The following ANXA8 variants were observed in gnomAD, a reference collection of about 807,000 sequenced individuals.
ANXA8 encodes annexin A8, also known as VAC-beta.
In ANXA8, 9 loss-of-function variants were observed where a neutral mutation model predicts 26.8. That is an observed-to-expected ratio of 0.34 (90% CI 0.20 to 0.59). ANXA8 has a LOEUF of 0.59. Ranked by LOEUF, ANXA8 falls within the 20% of genes least tolerant of loss-of-function variation. The pLI is 0.84. For synonymous variants in ANXA8, 39 were observed against 94.8 expected (o/e 0.41, Z 3.42); for missense variants, 83 against 238.5 (o/e 0.35, Z 4.29).
At chr10:47,488,713 A>ATTTTTTTTTTTTTTT (rs1160121365), upstream of ANXA8, among the ~76,000 whole-genome samples, 13 of 62,108 alleles carry the variant, frequency 2.1e-4, no homozygotes, top group South Asian at 7.2e-4. Context: ...TACATGTTAA[A>ATTTTTTTTTTTTTTT]TTTTTTTTTT....
At chr10:47,553,793 C>G in the ANXA8 span, among the ~76,000 whole-genome samples, 2 of 149,410 alleles carry the variant, frequency 1.3e-5, no homozygotes, top group South Asian at 4.3e-4. Context: ...TTGCTGAAGG[C>G]CAGGGCAGCT....
At chr10:47,982,022 C>T in the ANXA8 span, among the ~76,000 whole-genome samples, 2 of 150,316 alleles carry the variant, frequency 1.3e-5, no homozygotes, top group Non-Finnish European at 3.0e-5. Context: ...GGTGCAGTGG[C>T]TCACACCTGT....
At chr10:47,595,807 A>G in the ANXA8 span, among the ~76,000 whole-genome samples, 1 of 148,518 alleles carries the variant, frequency 6.7e-6, no homozygotes, top group Non-Finnish European at 1.5e-5. Flanking sequence ...CCCCTCAGTA[A>G]TAACTGGGAA....
the ANXA8 span, among the ~76,000 whole-genome samples, chr10:47,945,078 C>T: frequency 6.6e-6 from 1 of 150,502 alleles, no homozygotes; most frequent in Admixed American, 6.6e-5. Flanking sequence ...GTCACTCCCT[C>T]TGGGATGCTC....
the ANXA8 span, among the ~76,000 whole-genome samples, chr10:47,696,092 G>C: frequency 6.6e-6 from 1 of 151,636 alleles, no homozygotes; most frequent in African/African-American, 2.4e-5. Context: ...AATTATTTTT[G>C]ATGTATCAGA....
At chr10:47,647,754 G>A in the ANXA8 span, among the ~76,000 whole-genome samples, 4 of 151,414 alleles carry the variant, frequency 2.6e-5, no homozygotes, top group African/African-American at 9.8e-5. Context: ...GCTATTGGTA[G>A]GCCATGGCTA....
chr10:47,769,872 T>C, the ANXA8 span, among the ~76,000 whole-genome samples: 17 of 151,314 alleles, frequency 1.1e-4, no homozygotes, highest in South Asian at 2.1e-4. Context: ...GGGTAATTTA[T>C]AAAGAAAAGA....
chr10:47,680,402 C>CG, the ANXA8 span, among the ~76,000 whole-genome samples: 1 of 151,752 alleles, frequency 6.6e-6, no homozygotes, highest in Non-Finnish European at 1.5e-5. Flanking sequence ...TGGGAGTCTG[C>CG]GGTGGGTGGA....
At chr10:47,469,615 G>A (rs1839251910) in intron 11 of ANXA8, among the ~76,000 whole-genome samples, 1 of 151,740 alleles carries the variant, frequency 6.6e-6, no homozygotes, top group African/African-American at 2.4e-5. Flanking sequence ...GGCTAGTCCG[G>A]GGTCTGCATA....
the ANXA8 span, among the ~76,000 whole-genome samples, chr10:47,954,543 G>A: frequency 2.8e-4 from 43 of 151,374 alleles, 2 homozygotes; most frequent in African/African-American, 6.3e-4. Flanking sequence ...ATAAGTAAGC[G>A]TGTATAATTG....
At chr10:47,653,924 G>T in the ANXA8 span, among the ~76,000 whole-genome samples, 1 of 149,834 alleles carries the variant, frequency 6.7e-6, no homozygotes, top group Non-Finnish European at 1.5e-5. Flanking sequence ...TGGATTACAG[G>T]TGTGAGCTAC....
chr10:47,700,366 A>C, the ANXA8 span, among the ~76,000 whole-genome samples: 1 of 151,950 alleles, frequency 6.6e-6, no homozygotes, highest in Admixed American at 6.6e-5. Flanking sequence ...ATAGCAATTT[A>C]ATATATGACA....
chr10:47,950,629 A>G, the ANXA8 span, among the ~76,000 whole-genome samples: 1 of 150,388 alleles, frequency 6.6e-6, no homozygotes, highest in Non-Finnish European at 1.5e-5. Context: ...AATATAGAAC[A>G]TGTTATCTAA....
chr10:47,513,385 T>C, the ANXA8 span, among the ~76,000 whole-genome samples: 2 of 142,064 alleles, frequency 1.4e-5, 1 homozygote, highest in African/African-American at 5.1e-5. Flanking sequence ...CTGAATGAAG[T>C]CATGGACACA....
the ANXA8 span, among the ~76,000 whole-genome samples, chr10:47,950,875 C>A: frequency 2.0e-5 from 3 of 150,364 alleles, no homozygotes; most frequent in African/African-American, 7.4e-5. Context: ...TATAAAAAGT[C>A]CAAGGTCAAT....
chr10:47,500,433 C>A, the ANXA8 span, among the ~76,000 whole-genome samples: 3 of 150,106 alleles, frequency 2.0e-5, no homozygotes, highest in Non-Finnish European at 3.0e-5. Context: ...ACATCTGGAA[C>A]CATCGGCAGC....
At chr10:47,696,620 G>C in the ANXA8 span, 3 of 660,962 alleles carry the variant, frequency 4.5e-6, no homozygotes, top group Non-Finnish European at 6.9e-6. Context: ...TAAACAGTTG[G>C]AGAGTATTGG....
At chr10:47,900,869 A>G in the ANXA8 span, among the ~76,000 whole-genome samples, 1 of 151,330 alleles carries the variant, frequency 6.6e-6, no homozygotes, top group African/African-American at 2.4e-5. Context: ...CAAGAAAACT[A>G]GTACCTTGAG....
At chr10:47,767,718 G>A in the ANXA8 span, among the ~76,000 whole-genome samples, 13 of 151,814 alleles carry the variant, frequency 8.6e-5, 1 homozygote, top group East Asian at 1.7e-3. Flanking sequence ...CCCTGCCCCC[G>A]TGAGAGGCTA....
Sources: allele counts gnomAD v4.1 joint callset (sites outside exome capture counted in the v4.1 genomes callset), GRCh38; gene constraint gnomAD v4.1.1; transcripts MANE v1.5; gene names NCBI Gene and HGNC (gene_info 2026-07-23, HGNC 2026-07-21).